The following IPO8 variants were observed in gnomAD, a reference collection of about 807,000 sequenced individuals.
The protein encoded by IPO8 is importin-8.
Under a neutral mutation model 141.2 loss-of-function variants are expected in IPO8, and 65 were observed. That is an observed-to-expected ratio of 0.46 (90% CI 0.38 to 0.57). The LOEUF (loss-of-function observed/expected upper bound fraction) is 0.57, where lower values mean the gene tolerates loss of function less well. IPO8 is among the 20% of genes least tolerant of loss of function. The pLI is 0.00. For synonymous variants in IPO8, 411 were observed against 420.3 expected (o/e 0.98, Z 0.27); for missense variants, 980 against 1,246.8 (o/e 0.79, Z 3.22).
At chr12:30,669,633 A>C (rs955796778) in intron 9 of IPO8, among the ~76,000 whole-genome samples, 8 of 152,076 alleles carry the variant, frequency 5.3e-5, no homozygotes, top group Admixed American at 5.2e-4. Context: ...TCTCCAAAAA[A>C]ATACATAAAA....
At chr12:30,690,949 T>C (rs551137735) in intron 1 of IPO8, among the ~76,000 whole-genome samples, 14 of 152,358 alleles carry the variant, frequency 9.2e-5, no homozygotes, top group Admixed American at 9.1e-4. Context: ...GCATTTTCTC[T>C]ATTACTAAGG....
At chr12:30,657,971 G>A (rs545777112) in intron 16 of IPO8, among the ~76,000 whole-genome samples, 1 of 152,024 alleles carries the variant, frequency 6.6e-6, no homozygotes, top group South Asian at 2.1e-4. Flanking sequence ...TGAGTGAGAA[G>A]GTAAAATTTC....
intron 5 of IPO8, among the ~76,000 whole-genome samples, chr12:30,679,947 T>C (rs910499811): frequency 6.6e-6 from 1 of 152,230 alleles, no homozygotes; most frequent in Non-Finnish European, 1.5e-5. Context: ...TTCTCATTTC[T>C]TTCCGGATTC....
chr12:30,658,876 C>CA (rs2052838893), intron 16 of IPO8, among the ~76,000 whole-genome samples: 1 of 90,190 alleles, frequency 1.1e-5, no homozygotes, highest in Non-Finnish European at 2.1e-5. Context: ...AGTATCAAGC[C>CA]TTTTTTTTTT....
chr12:30,676,754 A>T (rs1227934978), intron 5 of IPO8, 167 bp from the exon 6 acceptor site: 1 of 766,758 alleles, frequency 1.3e-6, no homozygotes, highest in Admixed American at 2.5e-5. Context: ...ACGACCATAT[A>T]GAACTTAAAT....
intron 16 of IPO8, among the ~76,000 whole-genome samples, chr12:30,657,681 G>A (rs1388572115): frequency 6.6e-6 from 1 of 152,106 alleles, no homozygotes; most frequent in Non-Finnish European, 1.5e-5. Flanking sequence ...ACCGGGACTG[G>A]TGAAATAAAT....
At chr12:30,642,425 C>G (rs969180688) in intron 20 of IPO8, among the ~76,000 whole-genome samples, 2 of 151,796 alleles carry the variant, frequency 1.3e-5, no homozygotes, top group South Asian at 2.1e-4. Context: ...ATGTATCCCC[C>G]AAATCTAAAA....
chr12:30,659,889 A>G (rs976686788), intron 16 of IPO8, among the ~76,000 whole-genome samples: 52 of 150,598 alleles, frequency 3.5e-4, no homozygotes, highest in Admixed American at 2.9e-3. Context: ...AAAATCAAAA[A>G]AAAAACCCAA....
At chr12:30,669,396 T>G in intron 9 of IPO8, 114 bp from the exon 10 acceptor site, 2 of 514,748 alleles carry the variant, frequency 3.9e-6, no homozygotes, top group Non-Finnish European at 6.8e-6. Flanking sequence ...CCAAACTCTG[T>G]GTGTGTGTAA....
intron 23 of IPO8, among the ~76,000 whole-genome samples, chr12:30,632,423 C>G (rs2052445991): frequency 2.0e-5 from 3 of 152,190 alleles, no homozygotes; most frequent in African/African-American, 7.2e-5. Flanking sequence ...TTCCCCTAAG[C>G]CTCCTGGACT....
chr12:30,632,994 C>T (rs2052453855), intron 23 of IPO8, among the ~76,000 whole-genome samples: 1 of 152,204 alleles, frequency 6.6e-6, no homozygotes, highest in Non-Finnish European at 1.5e-5. Flanking sequence ...TGAGATCCTA[C>T]TCAAGACCTA....
At chr12:30,682,087 T>A (rs181515586) in intron 3 of IPO8, among the ~76,000 whole-genome samples, 1 of 152,254 alleles carries the variant, frequency 6.6e-6, no homozygotes, top group East Asian at 1.9e-4. Flanking sequence ...TTTTAAATAG[T>A]TTAAAATTTT....
intron 6 of IPO8, among the ~76,000 whole-genome samples, chr12:30,676,098 T>A (rs2053117406): frequency 6.6e-6 from 1 of 152,004 alleles, no homozygotes; most frequent in Admixed American, 6.6e-5. Flanking sequence ...TCTTTTTTCT[T>A]TACATTTTGT....
intron 11 of IPO8, among the ~76,000 whole-genome samples, 158 bp from the exon 12 acceptor site, chr12:30,666,003 G>C (rs533031417): frequency 6.6e-6 from 1 of 151,618 alleles, no homozygotes; most frequent in Non-Finnish European, 1.5e-5. Flanking sequence ...TTAAGAAAAC[G>C]AAATAACCAT....
At chr12:30,635,736 T>C (rs2052492645) in intron 22 of IPO8, among the ~76,000 whole-genome samples, 1 of 152,098 alleles carries the variant, frequency 6.6e-6, no homozygotes, top group Admixed American at 6.6e-5. Flanking sequence ...CTAGGTAGTT[T>C]TAGGAATAAG....
At chr12:30,688,435 T>C in intron 2 of IPO8, 1 of 441,642 alleles carries the variant, frequency 2.3e-6, no homozygotes, top group Non-Finnish European at 4.5e-6. Flanking sequence ...TTTGCAGATG[T>C]ATTTCCACTT....
Position 30,634,184 on chromosome 12 carries a change from T to C in IPO8, c.2798A>G (p.Asp933Gly). ...EDEEEEDDDWDEEVLEETALE... is the reference protein window; with the variant it reads ...EDEEEEDDDWGEEVLEETALE... ...CGCGGTTTCTTCCAATACTTCTTCATCCCAGTCATCATCTTCCTCCTCCTC... is the reference window on the plus strand; with the variant it reads ...CGCGGTTTCTTCCAATACTTCTTCACCCCAGTCATCATCTTCCTCCTCCTC... The change falls in exon 23 of 25, where the codon GAT becomes GGT. Residue 933 changes from aspartate to glycine, a missense_variant. Physicochemically the swap from Asp to Gly is moderately conservative, Grantham distance 94. Around this residue, in one of 3 missense-constraint regions of IPO8, gnomAD observed 924 missense variants for 1,153.9 expected, o/e 0.80. Transcript: ENST00000256079. 2.5e-6 allele frequency: 4 copies of C among 1,614,022 alleles called. No homozygotes were observed. Among genetic ancestry groups the C allele is most frequent in the Non-Finnish European group, 3.4e-6 (4 of 1,179,920 alleles).
chr12:30,633,173 G>A (rs551233851), intron 23 of IPO8, among the ~76,000 whole-genome samples: 1 of 152,090 alleles, frequency 6.6e-6, no homozygotes, highest in Non-Finnish European at 1.5e-5. Flanking sequence ...CATCTAGGTA[G>A]TTTTTTCTTC....
chr12:30,670,805 C>A (rs1158037107), intron 9 of IPO8, among the ~76,000 whole-genome samples, 157 bp downstream of exon 9: 1 of 152,054 alleles, frequency 6.6e-6, no homozygotes, highest in African/African-American at 2.4e-5. Flanking sequence ...AATTTCTAAG[C>A]CCTTTATATC....
Sources: gnomAD v4.1 joint callset for allele counts (sites outside exome capture counted in the v4.1 genomes callset) on GRCh38, gnomAD v4.1.1 for gene constraint, gnomAD v4.1.1 regional missense constraint, MANE v1.5 for transcripts, NCBI Gene and HGNC (gene_info 2026-07-23, HGNC 2026-07-21) for gene names.